Variants in KCNK1 observed in about 807,000 individuals in gnomAD.
KCNK1 encodes the protein potassium two pore domain channel subfamily K member 1.
A neutral mutation model predicts 22.2 loss-of-function variants in KCNK1; 10 were observed. The ratio of observed to expected loss-of-function variants is 0.45; its 90% CI spans 0.28 to 0.76. The LOEUF (loss-of-function observed/expected upper bound fraction) is 0.76. KCNK1 is among the 30% of genes least tolerant of loss of function. The pLI is 0.14. For missense variants in KCNK1, 378 were observed against 421.0 expected, an observed-to-expected ratio of 0.90 and a Z score of 0.89; for synonymous variants, 200 against 186.4, an observed-to-expected ratio of 1.07 and a Z score of -0.60.
chr1:233,629,161 T>A (rs1052665151), intron 1 of KCNK1, among the ~76,000 whole-genome samples: 1 of 152,102 alleles, frequency 6.6e-6, no homozygotes, highest in Non-Finnish European at 1.5e-5. Context: ...CTGGGGAGAC[T>A]CGACTGAAAC....
chr1:233,639,683 CA>C (rs1298304119), intron 1 of KCNK1, among the ~76,000 whole-genome samples: 1 of 151,886 alleles, frequency 6.6e-6, no homozygotes, highest in Non-Finnish European at 1.5e-5. Context: ...TGTTCAATTA[CA>C]AAAAAAACAA....
intron 1 of KCNK1, among the ~76,000 whole-genome samples, chr1:233,659,822 A>G (rs911199705): frequency 2.0e-5 from 3 of 152,210 alleles, no homozygotes; most frequent in African/African-American, 7.2e-5. Flanking sequence ...GCAAGCTCCT[A>G]TTTAAGTAAA....
intron 1 of KCNK1, among the ~76,000 whole-genome samples, chr1:233,622,360 A>G (rs1235247293): frequency 6.6e-6 from 1 of 152,192 alleles, no homozygotes; most frequent in Non-Finnish European, 1.5e-5. Context: ...TTATTGACAA[A>G]TCCGTGAAAT....
At chr1:233,629,290 T>C (rs988519702) in intron 1 of KCNK1, among the ~76,000 whole-genome samples, 11 of 152,146 alleles carry the variant, frequency 7.2e-5, no homozygotes, top group Non-Finnish European at 8.8e-5. Flanking sequence ...GATAGGGAGA[T>C]GGCTGAAGTG....
chr1:233,646,868 G>A (rs916982294), intron 1 of KCNK1, among the ~76,000 whole-genome samples: 6 of 152,164 alleles, frequency 3.9e-5, no homozygotes, highest in Admixed American at 3.9e-4. Context: ...GCCACTGGTG[G>A]CCTTGAGACG....
At chr1:233,615,338 C>T (rs550221679) in intron 1 of KCNK1, among the ~76,000 whole-genome samples, 1 of 152,338 alleles carries the variant, frequency 6.6e-6, no homozygotes, top group Non-Finnish European at 1.5e-5. Flanking sequence ...ACCCGCGGGG[C>T]GCCCGGCCAT....
rs1658595353 is a variant in KCNK1 at position 233,671,416 on chromosome 1, G to A, written c.897G>A (p.Leu299=). ...TGCACATCATAGAGCATGACCAACT[G>A]TCCTTCTCCTCGATCACAGACCAGG... is the stretch of plus-strand genomic sequence containing the variant. ...DQVHIIEHDQ[L]SFSSITDQAA... The change falls in exon 3 of 3, where the codon CTG becomes CTA. Residue 299 remains leucine, a synonymous_variant. Transcript: ENST00000366621. 6.2e-7 allele frequency: 1 copy of A among 1,614,072 alleles called. No individual in the cohort carries two copies. Among genetic ancestry groups the A allele is most frequent in the Admixed American group, 1.7e-5 (1 of 60,004 alleles).
intron 1 of KCNK1, among the ~76,000 whole-genome samples, chr1:233,616,142 T>A (rs1466742829): frequency 6.6e-6 from 1 of 152,202 alleles, no homozygotes; most frequent in Non-Finnish European, 1.5e-5. Flanking sequence ...ATATTGAGAG[T>A]CATTCATTCT....
At chr1:233,619,781 A>G (rs1265268912) in intron 1 of KCNK1, among the ~76,000 whole-genome samples, 1 of 152,042 alleles carries the variant, frequency 6.6e-6, no homozygotes, top group Admixed American at 6.5e-5. Flanking sequence ...GTGGTGGTGC[A>G]CACCTGTAAT....
At chr1:233,660,020 ATACT>A (rs1229386920) in intron 1 of KCNK1, among the ~76,000 whole-genome samples, 1 of 152,264 alleles carries the variant, frequency 6.6e-6, no homozygotes, top group Non-Finnish European at 1.5e-5. Flanking sequence ...TCTCCAGGAT[ATACT>A]GTTAAAAGAA....
At chr1:233,649,666 C>G (rs1261359396) in intron 1 of KCNK1, among the ~76,000 whole-genome samples, 6 of 152,150 alleles carry the variant, frequency 3.9e-5, no homozygotes, top group Admixed American at 3.9e-4. Context: ...GTGGAAGGGG[C>G]AAATAGGCTC....
At chr1:233,638,363 A>T (rs1301277266) in intron 1 of KCNK1, among the ~76,000 whole-genome samples, 2 of 152,124 alleles carry the variant, frequency 1.3e-5, no homozygotes, top group African/African-American at 4.8e-5. Context: ...GTTAAAAATT[A>T]AAAATGGCTC....
chr1:233,645,193 CA>C (rs113695541), intron 1 of KCNK1, among the ~76,000 whole-genome samples: 2,078 of 79,234 alleles, frequency 0.026, 24 homozygotes, highest in African/African-American at 0.065. Flanking sequence ...GACTTTGTCT[CA>C]AAAAAAAAAA....
chr1:233,668,956 A>ATTGCTCAGCAAT lies in KCNK1; in HGVS notation c.751+1966_751+1967insTTGCTCAGCAAT, dbSNP rs1571907111. Among the ~76,000 whole-genome samples, 3 of 152,302 alleles carry ATTGCTCAGCAAT rather than the reference A, an allele frequency of 2.0e-5. No homozygotes were observed. The East Asian group carries it at 5.8e-4, about 29-fold the overall frequency. ...TTCCTCCTCTGATATTCTTCCAAGA[A>ATTGCTCAGCAAT]ATGAGATTGCTGGTGCAAAGTGAAT... On this transcript the variant is annotated intron_variant, in intron 2 of 2. Coordinates refer to ENST00000366621, the MANE Select transcript of KCNK1 (RefSeq NM_002245.4).
In KCNK1 at chr1:233,654,218, G is replaced by T. The variant is rs142927310; in HGVS notation, c.356-12377G>T. 6.2e-3 allele frequency among the ~76,000 whole-genome samples: 946 copies of T among 152,118 alleles called. 10 individuals carry two copies. The highest frequency in any genetic ancestry group is 0.017 in the African/African-American group (687 of 41,492). Reference sequence around the variant, plus strand: ...CATCGGGGTGGGGGGGAAAGGGAAGGGAGAGCATCAGGACAAATACCTAAT... The same window carrying T: ...CATCGGGGTGGGGGGGAAAGGGAAGTGAGAGCATCAGGACAAATACCTAAT... On this transcript the variant is annotated intron_variant, in intron 1 of 2. Coordinates refer to ENST00000366621, the MANE Select transcript of KCNK1 (RefSeq NM_002245.4).
rs1657436377 is a variant in KCNK1 at position 233,614,146 on chromosome 1, T to TGGCCTTGGCGGCGGC, written c.-23_-9dup. ...CCGCGCTCCGGCCGGTCTGCGGCGTTGGCCTTGGCGGCGGCGGTGGAGAAG... is the reference window on the plus strand; with the variant it reads ...CCGCGCTCCGGCCGGTCTGCGGCGTTGGCCTTGGCGGCGGCGGCCTTGGCGGCGGCGGTGGAGAAG... On this transcript the variant is annotated 5_prime_UTR_variant, in exon 1 of 3. Transcript: ENST00000366621. The TGGCCTTGGCGGCGGC allele has an allele frequency of 6.6e-7, 1 of 1,525,264 alleles. No individual in the cohort carries two copies. The allele number at this position is 1,525,264 out of a possible 1,614,324, so 94.5% of individuals were successfully genotyped here. A position where few individuals can be genotyped will look rare whatever the true frequency, so the allele number is the denominator to read the frequency against.
chr1:233,631,171 A>G (rs989197120), intron 1 of KCNK1: 2 of 458,662 alleles, frequency 4.4e-6, no homozygotes, highest in South Asian at 1.6e-5. Flanking sequence ...TCCACAGTCT[A>G]TTTTATTTAT....
rs1296627815 is a variant in KCNK1 at position 233,668,372 on chromosome 1, G to A, written c.751+1382G>A. ...AACCATGGGCTCAGCCAAAACAGAC[G>A]TTACTCATAAATCCCTAATGCTTTG... is the stretch of plus-strand genomic sequence containing the variant. On this transcript the variant is annotated intron_variant, in intron 2 of 2. Coordinates refer to ENST00000366621, the MANE Select transcript of KCNK1 (RefSeq NM_002245.4). 4.6e-5 allele frequency among the ~76,000 whole-genome samples: 7 copies of A among 152,140 alleles called. No homozygotes were observed. In the East Asian group the frequency reaches 9.6e-4, roughly 21 times the overall value.
At position 233,614,306 on chromosome 1, in the gene KCNK1, G is replaced by T. The variant is rs1657442315; in HGVS notation, c.135G>T (p.Glu45Asp). The T allele has an allele frequency of 6.2e-7, 1 of 1,612,742 alleles. No individual in the cohort carries two copies. The highest frequency in any genetic ancestry group is 8.5e-7 in the Non-Finnish European group (1 of 1,179,586). Residue 45 changes from glutamate to aspartate, a missense_variant, in exon 1 of 3, where the codon GAG becomes GAT. By Grantham distance (45) the Glu-to-Asp change is conservative. Transcript: ENST00000366621. The part of the protein sequence containing the change: ...VFGAVVFSSV[E>D]LPYEDLLRQE... ...GCGCAGTGGTCTTCTCCTCGGTGGA[G>T]CTGCCCTATGAGGACCTGCTGCGCC...
Sources: gnomAD v4.1 joint callset for allele counts (sites outside exome capture counted in the v4.1 genomes callset) on GRCh38, gnomAD v4.1.1 for gene constraint, MANE v1.5 for transcripts, NCBI Gene and HGNC (gene_info 2026-07-23, HGNC 2026-07-21) for gene names.